Variants in G6PC1 observed in about 807,000 individuals in gnomAD.
G6PC1 encodes the protein G-6-Pase.
A neutral mutation model predicts 30.4 loss-of-function variants in G6PC1; 23 were observed. The ratio of observed to expected loss-of-function variants is 0.76; its 90% CI spans 0.55 to 1.07. G6PC1 has a LOEUF of 1.07. G6PC1 is among the 50% of genes least tolerant of loss of function. G6PC1 has a pLI of 0.00. For missense variants in G6PC1, 391 were observed against 433.9 expected (o/e 0.90, Z 0.88); for synonymous variants, 163 against 175.6 (o/e 0.93, Z 0.57).
At chr17:42,908,248 G>A (rs577933107) in intron 3 of G6PC1, among the ~76,000 whole-genome samples, 4 of 152,082 alleles carry the variant, frequency 2.6e-5, no homozygotes, top group Non-Finnish European at 5.9e-5. Flanking sequence ...CCAGGCTCAG[G>A]CTGGTCTTGA....
intron 4 of G6PC1, among the ~76,000 whole-genome samples, chr17:42,910,660 AG>A (rs2056089257): frequency 6.6e-6 from 1 of 152,200 alleles, no homozygotes; most frequent in South Asian, 2.1e-4. Flanking sequence ...AAGTAGAGAT[AG>A]GAGGACCTCC....
rs975781951 is a variant in G6PC1 at position 42,914,431 on chromosome 17, T to C, written c.*3005T>C. Among the ~76,000 whole-genome samples, 1 of 152,184 alleles carries C rather than the reference T, an allele frequency of 6.6e-6. No individual in the cohort carries two copies. On this transcript the variant is annotated 3_prime_UTR_variant, in exon 5 of 5. Coordinates refer to ENST00000253801, the MANE Select transcript of G6PC1 (RefSeq NM_000151.4). ...AGATAAAGTTTATTGAGTGCTAACTTTATGCCAGATTCTGTTCTATGTACT... is the reference window on the plus strand; with the variant it reads ...AGATAAAGTTTATTGAGTGCTAACTCTATGCCAGATTCTGTTCTATGTACT...
Position 42,907,372 on chromosome 17 carries a change from AT to A in G6PC1, c.341-150del. 3.3e-5 allele frequency: 21 copies of A among 645,854 alleles called. 2 individuals are homozygous for A. In the South Asian group the frequency reaches 3.3e-4, roughly 10 times the overall value. 40.0% of individuals were successfully genotyped at this position (645,854 alleles called of 1,614,324 possible). ...AATGGATGGTAAGATGGGTGGATGG[AT>A]GGGGGGTGAACGGATGGATGGGGGG... On this transcript the variant is annotated intron_variant, in intron 2 of 4. Coordinates refer to ENST00000253801, the MANE Select transcript of G6PC1 (RefSeq NM_000151.4).
rs1041149966 is a variant in G6PC1, at chr17:42,914,127, G to T, written c.*2701G>T. On this transcript the variant is annotated 3_prime_UTR_variant, in exon 5 of 5. Transcript: ENST00000253801. ...TTTTTTTTTTTTAATAGAGATGGGG[G>T]TCTCACTATGCTGCCCAGGCTGGTC... 2.6e-5 allele frequency among the ~76,000 whole-genome samples: 4 copies of T among 151,160 alleles called. No homozygotes were observed. The highest frequency in any genetic ancestry group is 9.7e-5 in the African/African-American group (4 of 41,056).
rs1269391905 is a variant in G6PC1, at chr17:42,913,490, G to C, written c.*2064G>C. 6.6e-6 allele frequency: 1 copy of C among 152,124 alleles called. No homozygotes were observed. Among genetic ancestry groups the C allele is most frequent in the Non-Finnish European group, 1.5e-5 (1 of 68,020 alleles). 9.4% of individuals were successfully genotyped at this position (152,124 alleles called of 1,614,324 possible). A position where few individuals can be genotyped will look rare whatever the true frequency, so the allele number is the denominator to read the frequency against. On this transcript the variant is annotated 3_prime_UTR_variant, in exon 5 of 5. Transcript: ENST00000253801. ...AAAAGTGCTCTCTCTTGAGTTGACC[G>C]AGAGTCCCATTAGGGATAGGGAGAC...
chr17:42,909,092 C>G (rs1214733037), intron 3 of G6PC1, among the ~76,000 whole-genome samples: 1 of 152,176 alleles, frequency 6.6e-6, no homozygotes, highest in Non-Finnish European at 1.5e-5. Context: ...GATCCTCTCA[C>G]CTCGGCCTCC....
At position 42,901,440 on chromosome 17, in the gene G6PC1, A is replaced by G. The variant is rs185077242; in HGVS notation, c.230+334A>G. 4.7e-3 allele frequency among the ~76,000 whole-genome samples: 712 copies of G among 152,276 alleles called. 6 individuals carry two copies. The highest frequency in any genetic ancestry group is 0.016 in the African/African-American group (651 of 41,546). On this transcript the variant is annotated intron_variant, in intron 1 of 4. Transcript: ENST00000253801. ...AACATAAAGAAAGATGTATGGGGCCAGGCATGGTGGCTCACACCTGTAATC... is the reference window on the plus strand; with the variant it reads ...AACATAAAGAAAGATGTATGGGGCCGGGCATGGTGGCTCACACCTGTAATC...
rs903334977 is a variant in G6PC1, at chr17:42,911,580, C to T, written c.*154C>T. On this transcript the variant is annotated 3_prime_UTR_variant, in exon 5 of 5. Transcript: ENST00000253801. The stretch of plus-strand genomic sequence containing the variant: ...AATCACGGATGGCAGATTGGAGGGT[C>T]GCCTGGCTTATTCCCATGTGTGACT... 1.0e-5 allele frequency: 12 copies of T among 1,149,142 alleles called. No homozygotes were observed. Among genetic ancestry groups the T allele is most frequent in the East Asian group, 2.5e-5 (1 of 40,208 alleles). 71.2% of individuals were successfully genotyped at this position (1,149,142 alleles called of 1,614,324 possible). A position where few individuals can be genotyped will look rare whatever the true frequency, so the allele number is the denominator to read the frequency against.
At chr17:42,906,622 A>C (rs1231362194) in intron 2 of G6PC1, among the ~76,000 whole-genome samples, 1 of 152,164 alleles carries the variant, frequency 6.6e-6, no homozygotes, top group African/African-American at 2.4e-5. Flanking sequence ...TCACACCTAT[A>C]ATCCCAACAC....
In G6PC1 at chr17:42,910,921, C is replaced by T. The variant is rs1466910336; in HGVS notation, c.569C>T (p.Ala190Val). 1 of 1,614,028 alleles carries T rather than the reference C, an allele frequency of 6.2e-7. No homozygotes were observed. The highest frequency in any genetic ancestry group is 8.5e-7 in the Non-Finnish European group (1 of 1,179,984). ...QVVAGVLSGI[A>V]VAETFSHIHS... Reference sequence around the variant, plus strand: ...CATGCTTTCTTCCACTCAGGCATTGCTGTTGCAGAAACTTTCAGCCACATC... The same window carrying T: ...CATGCTTTCTTCCACTCAGGCATTGTTGTTGCAGAAACTTTCAGCCACATC... The change falls in exon 5 of 5, where the codon GCT (alanine) becomes GTT (valine). Residue 190 changes from alanine (A) to valine (V), a missense_variant. Transcript: ENST00000253801.
Position 42,909,384 on chromosome 17 carries a change from T to C in G6PC1, c.528T>C (p.His176=). The C allele has an allele frequency of 6.2e-7, 1 of 1,614,048 alleles. No individual in the cohort carries two copies. The highest frequency in any genetic ancestry group is 8.5e-7 in the Non-Finnish European group (1 of 1,179,902). ...TGTCACGAATCTACCTTGCTGCTCA[T>C]TTTCCTCATCAAGTTGTTGCTGGAG... ...VCLSRIYLAA[H]FPHQVVAGVL... Residue 176 remains histidine, a synonymous_variant, in exon 4 of 5, where the codon CAT becomes CAC. Transcript: ENST00000253801.
At chr17:42,910,778 C>G in intron 4 of G6PC1, 137 bp from the exon 5 acceptor site, 3 of 818,194 alleles carry the variant, frequency 3.7e-6, no homozygotes, top group South Asian at 2.9e-5. Flanking sequence ...ATAAGCCAGG[C>G]GACCCTCCCA....
chr17:42,908,704 C>CTTTT lies in G6PC1; in HGVS notation c.447-586_447-583dup, dbSNP rs751084537. ...GCAGGCATGAGCCACCGCGCCTGGCCTTTTTTTTTTTTTTTTGAGACGGAG... is the reference window on the plus strand; with the variant it reads ...GCAGGCATGAGCCACCGCGCCTGGCCTTTTTTTTTTTTTTTTTTTTGAGACGGAG... On this transcript the variant is annotated intron_variant, in intron 3 of 4. Transcript: ENST00000253801. Among the ~76,000 whole-genome samples the CTTTT allele has an allele frequency of 8.3e-5, 10 of 120,254 alleles. 1 individual carries two copies. In the South Asian group the frequency reaches 1.1e-3, roughly 13 times the overall value. The allele number at this position is 120,254 out of a possible 152,430, so 78.9% of individuals were successfully genotyped here.
rs2056112802 is a variant in G6PC1 at position 42,914,167 on chromosome 17, T to C, written c.*2741T>C. Among the ~76,000 whole-genome samples the C allele has an allele frequency of 6.6e-6, 1 of 151,818 alleles. No individual in the cohort carries two copies. Among genetic ancestry groups the C allele is most frequent in the African/African-American group, 2.4e-5 (1 of 41,298 alleles). On this transcript the variant is annotated 3_prime_UTR_variant, in exon 5 of 5. Coordinates refer to ENST00000253801, the MANE Select transcript of G6PC1 (RefSeq NM_000151.4). ...CCAGGCTGGTCTTGAACTCCTGGGT[T>C]CAAGTGATCCTCCTGCCTCAGCCTC...
chr17:42,911,251 T>C lies in G6PC1; in HGVS notation c.899T>C (p.Val300Ala), dbSNP rs1218506923. ...CTCCCATTCCGCCTCAGCTCTATTG[T>C]AGCCTCCCTCGTCCTCCTGCACGTC... ...KWLPFRLSSI[V>A]ASLVLLHVFD... The change falls in exon 5 of 5, where the codon GTA becomes GCA. Residue 300 changes from valine to alanine, a missense_variant. By Grantham distance (64) the Val-to-Ala change is moderately conservative. Transcript: ENST00000253801. The C allele has an allele frequency of 6.2e-7, 1 of 1,614,196 alleles. No homozygotes were observed. Among genetic ancestry groups the C allele is most frequent in the South Asian group, 1.1e-5 (1 of 91,090 alleles).
rs1398370649 is a variant in G6PC1 at position 42,911,427 on chromosome 17, G to C, written c.*1G>C. 7.4e-6 allele frequency: 12 copies of C among 1,614,062 alleles called. No individual in the cohort carries two copies. The highest frequency in any genetic ancestry group is 3.3e-5 in the Admixed American group (2 of 60,004). ...CCAGCCGCACAAGAAGTCGTTGTAA[G>C]AGATGTGGAGTCTTCGGTGTTTAAA... is the stretch of plus-strand genomic sequence containing the variant. On this transcript the variant is annotated 3_prime_UTR_variant, in exon 5 of 5. Coordinates refer to ENST00000253801, the MANE Select transcript of G6PC1 (RefSeq NM_000151.4).
At chr17:42,906,404 C>T (rs967508048) in intron 2 of G6PC1, among the ~76,000 whole-genome samples, 11 of 152,044 alleles carry the variant, frequency 7.2e-5, no homozygotes, top group African/African-American at 1.7e-4. Flanking sequence ...CTGGGGAGAG[C>T]GTAACCTTGA....
Position 42,910,898 on chromosome 17 carries a change from T to C in G6PC1, c.563-17T>C. Reference sequence around the variant, plus strand: ...AAATCCTTCCTATCTCTCACAGTCATGCTTTCTTCCACTCAGGCATTGCTG... The same window carrying C: ...AAATCCTTCCTATCTCTCACAGTCACGCTTTCTTCCACTCAGGCATTGCTG... On this transcript the variant is annotated splice_polypyrimidine_tract_variant and intron_variant, in intron 4 of 4. Transcript: ENST00000253801. The C allele has an allele frequency of 6.2e-7, 1 of 1,613,868 alleles. No individual in the cohort carries two copies. The highest frequency in any genetic ancestry group is 2.2e-5 in the East Asian group (1 of 44,892).
At position 42,908,704 on chromosome 17, in the gene G6PC1, CT is replaced by C. The variant is rs751084537; in HGVS notation, c.447-583del. On this transcript the variant is annotated intron_variant, in intron 3 of 4. Coordinates refer to ENST00000253801, the MANE Select transcript of G6PC1 (RefSeq NM_000151.4). ...GCAGGCATGAGCCACCGCGCCTGGC[CT>C]TTTTTTTTTTTTTTTGAGACGGAGT... is the stretch of plus-strand genomic sequence containing the variant. Among the ~76,000 whole-genome samples, 241 of 120,206 alleles carry C rather than the reference CT, an allele frequency of 2.0e-3. 1 individual carries two copies. The highest frequency in any genetic ancestry group is 0.01 in the Admixed American group (115 of 11,436). The allele number at this position is 120,206 out of a possible 152,430, so 78.9% of individuals were successfully genotyped here. A position where few individuals can be genotyped will look rare whatever the true frequency, so the allele number is the denominator to read the frequency against.
Sources: allele counts gnomAD v4.1 joint callset (sites outside exome capture counted in the v4.1 genomes callset), GRCh38; gene constraint gnomAD v4.1.1; transcripts MANE v1.5; gene names NCBI Gene and HGNC (gene_info 2026-07-23, HGNC 2026-07-21).